Variants in SMG1 observed in about 807,000 individuals in gnomAD.
The protein encoded by SMG1 is serine/threonine-protein kinase SMG1.
In SMG1, 22 loss-of-function variants were observed where a neutral mutation model predicts 419.9. The observed-to-expected ratio is 0.05, with a 90% CI of 0.04 to 0.07. The LOEUF (loss-of-function observed/expected upper bound fraction) is 0.07, where lower values mean the gene tolerates loss of function less well. Ranked by LOEUF, SMG1 falls within the 10% of genes least tolerant of loss-of-function variation. SMG1 has a pLI of 1.00. For missense variants in SMG1, 3,185 were observed against 4,342.0 expected, an observed-to-expected ratio of 0.73 and a Z score of 7.49; for synonymous variants, 1,538 against 1,553.5, an observed-to-expected ratio of 0.99 and a Z score of 0.23.
chr16:18,873,052 G>A (rs1385601404), intron 13 of SMG1, among the ~76,000 whole-genome samples: 1 of 152,034 alleles, frequency 6.6e-6, no homozygotes, highest in Non-Finnish European at 1.5e-5. Context: ...TACTCGGGAG[G>A]CTGAGGCAGG....
intron 60 of SMG1, among the ~76,000 whole-genome samples, chr16:18,812,364 A>G (rs148529876): frequency 4.9e-4 from 75 of 152,270 alleles, no homozygotes; most frequent in Non-Finnish European, 8.5e-4. Context: ...AAAACCATAA[A>G]TAACAGCCAG....
At chr16:18,848,675 C>T (rs1430020147) in intron 36 of SMG1, among the ~76,000 whole-genome samples, 2 of 152,062 alleles carry the variant, frequency 1.3e-5, no homozygotes, top group Non-Finnish European at 2.9e-5. Context: ...CATTTCTCCA[C>T]GTCTTGGTGG....
At chr16:18,916,274 G>A (rs977352436) in intron 1 of SMG1, among the ~76,000 whole-genome samples, 1 of 151,628 alleles carries the variant, frequency 6.6e-6, no homozygotes, top group Non-Finnish European at 1.5e-5. Flanking sequence ...CCAGCACTTT[G>A]GGAGGCCAAG....
chr16:18,811,394 A>AT (rs1469838565), intron 62 of SMG1, among the ~76,000 whole-genome samples: 1 of 152,186 alleles, frequency 6.6e-6, no homozygotes, highest in African/African-American at 2.4e-5. Flanking sequence ...TTTGGAGCAT[A>AT]TGAGTTTCTA....
At chr16:18,858,690 A>G (rs2141458931) in intron 28 of SMG1, 1 of 226,722 alleles carries the variant, frequency 4.4e-6, no homozygotes, top group South Asian at 1.1e-4. Context: ...ACTTTACCCC[A>G]TTTAGGATGA....
At chr16:18,854,201 C>T (rs1443898414) in intron 30 of SMG1, among the ~76,000 whole-genome samples, 1 of 150,058 alleles carries the variant, frequency 6.7e-6, no homozygotes, top group Non-Finnish European at 1.5e-5. Flanking sequence ...ATTCTCCTGC[C>T]TCAGCCCCTC....
chr16:18,896,698 A>G lies in SMG1; in HGVS notation c.256+95T>C. 3.7e-6 allele frequency: 3 copies of G among 815,098 alleles called. No individual in the cohort carries two copies. The South Asian group carries it at 4.9e-5, about 13-fold the overall frequency. 50.5% of individuals were successfully genotyped at this position (815,098 alleles called of 1,614,324 possible). ...TTGTTATTCATATTTTAAATATATT[A>G]GAAGAAAGCAAGAAAGTTGGGGGTA... On this transcript the variant is annotated intron_variant, in intron 2 of 62. Transcript: ENST00000446231.
At chr16:18,849,091 A>G (rs892776584) in intron 36 of SMG1, 126 bp downstream of exon 36, 1 of 224,844 alleles carries the variant, frequency 4.4e-6, no homozygotes, top group Non-Finnish European at 8.1e-6. Flanking sequence ...AAAAAAAAAA[A>G]AAAAAAAAAA....
At chr16:18,860,477 CTTAATT>C (rs1288888304) in intron 26 of SMG1, among the ~76,000 whole-genome samples, 184 bp downstream of exon 26, 1 of 151,574 alleles carries the variant, frequency 6.6e-6, no homozygotes, top group Non-Finnish European at 1.5e-5. Flanking sequence ...TTTTATTTGA[CTTAATT>C]TTAAGTGCTT....
chr16:18,892,117 A>G (rs2036910941), intron 4 of SMG1, 101 bp downstream of exon 4: 3 of 854,822 alleles, frequency 3.5e-6, no homozygotes, highest in Non-Finnish European at 5.8e-6. Flanking sequence ...CTCGATCATC[A>G]TAATACAGAC....
chr16:18,864,766 C>G (rs1165648658), intron 23 of SMG1, among the ~76,000 whole-genome samples: 1 of 152,190 alleles, frequency 6.6e-6, no homozygotes, highest in Non-Finnish European at 1.5e-5. Flanking sequence ...CGTGAACCAC[C>G]GCGCCCAGCC....
chr16:18,920,864 A>G (rs1353581034), intron 1 of SMG1, among the ~76,000 whole-genome samples: 5 of 151,852 alleles, frequency 3.3e-5, no homozygotes, highest in Non-Finnish European at 4.4e-5. Context: ...GAAGCCAGGC[A>G]TGGTGGCTCA....
chr16:18,883,472 G>A (rs187076572), intron 9 of SMG1, among the ~76,000 whole-genome samples: 11 of 152,106 alleles, frequency 7.2e-5, no homozygotes, highest in Admixed American at 3.9e-4. Flanking sequence ...TCTGAAGACC[G>A]GGAACAAAAA....
chr16:18,838,335 G>A (rs747068176), intron 44 of SMG1, 22 bp downstream of exon 44: 21 of 1,604,656 alleles, frequency 1.3e-5, no homozygotes, highest in East Asian at 2.2e-5. Context: ...TACACTAAAA[G>A]GGAGAAGAGA....
chr16:18,914,923 T>C (rs536374072), intron 1 of SMG1, among the ~76,000 whole-genome samples: 4 of 151,948 alleles, frequency 2.6e-5, no homozygotes, highest in African/African-American at 7.2e-5. Flanking sequence ...ATAAAACATA[T>C]GAATCTTAAA....
At chr16:18,819,729 C>T (rs969975632) in intron 55 of SMG1, 75 bp from the exon 56 acceptor site, 6 of 1,368,828 alleles carry the variant, frequency 4.4e-6, no homozygotes, top group Non-Finnish European at 5.8e-6. Flanking sequence ...TTTTATATAA[C>T]ACAATAAAGA....
At chr16:18,884,197 G>A in intron 8 of SMG1, 30 bp from the exon 9 acceptor site, 1 of 1,184,054 alleles carries the variant, frequency 8.4e-7, no homozygotes, top group South Asian at 1.3e-5. Flanking sequence ...TTGTGAAAGG[G>A]TAGGGGGGAA....
chr16:18,866,568 C>A (rs946863561), intron 23 of SMG1, 53 bp downstream of exon 23: 39 of 1,544,612 alleles, frequency 2.5e-5, no homozygotes, highest in Admixed American at 6.7e-5. Flanking sequence ...GAGTAATACA[C>A]AGAACTTAAA....
chr16:18,912,542 TTCAG>T (rs1297200648), intron 1 of SMG1, among the ~76,000 whole-genome samples: 2 of 152,056 alleles, frequency 1.3e-5, no homozygotes, highest in Non-Finnish European at 2.9e-5. Context: ...TTTTTACTTC[TTCAG>T]TAAGATTACA....
Sources: gnomAD v4.1 joint callset for allele counts (sites outside exome capture counted in the v4.1 genomes callset) on GRCh38, gnomAD v4.1.1 for gene constraint, MANE v1.5 for transcripts, NCBI Gene and HGNC (gene_info 2026-07-23, HGNC 2026-07-21) for gene names.